CAP2: variants seen among roughly 807,000 people sequenced by gnomAD.
CAP2 encodes the protein adenylyl cyclase-associated protein 2.
CAP2 carries 24 observed loss-of-function variants against 57.7 expected under a neutral mutation model. The observed-to-expected ratio is 0.42, with a 90% confidence interval of 0.30 to 0.58. CAP2 has a LOEUF of 0.58. CAP2 is among the 20% of genes least tolerant of loss of function. CAP2 has a pLI of 0.22. For synonymous variants in CAP2, 194 were observed against 207.2 expected (o/e 0.94, Z 0.55); for missense variants, 501 against 590.3 (o/e 0.85, Z 1.57).
intron 4 of CAP2, among the ~76,000 whole-genome samples, chr6:17,469,815 A>AC (rs1760971889): frequency 6.6e-6 from 1 of 152,192 alleles, no homozygotes; most frequent in Non-Finnish European, 1.5e-5. Context: ...GAGTGAATGC[A>AC]CATGCCCAGC....
chr6:17,527,738 G>A (rs1762543902), intron 7 of CAP2, among the ~76,000 whole-genome samples: 1 of 152,018 alleles, frequency 6.6e-6, no homozygotes, highest in Admixed American at 6.6e-5. Flanking sequence ...TGGGATTACA[G>A]GTTGTGCCAC....
chr6:17,509,163 A>T (rs1385215278), intron 6 of CAP2, among the ~76,000 whole-genome samples: 1 of 152,198 alleles, frequency 6.6e-6, no homozygotes, highest in African/African-American at 2.4e-5. Flanking sequence ...AAAATTGCAT[A>T]AAATACATAA....
chr6:17,535,231 A>G (rs559649830), intron 7 of CAP2, among the ~76,000 whole-genome samples: 1 of 151,532 alleles, frequency 6.6e-6, no homozygotes, highest in South Asian at 2.1e-4. Context: ...TGCGCTACAT[A>G]TGAGTCAAGG....
At chr6:17,490,649 G>A (rs541351157) in intron 4 of CAP2, among the ~76,000 whole-genome samples, 10 of 152,134 alleles carry the variant, frequency 6.6e-5, no homozygotes, top group Admixed American at 3.3e-4. Flanking sequence ...ATGAGTTTTC[G>A]GTTGTAGTCC....
In CAP2 at chr6:17,539,366, C is replaced by A; in HGVS notation, c.734C>A (p.Pro245Gln). The change falls in exon 8 of 13, where the codon CCA (proline) becomes CAA (glutamine). Residue 245 changes from proline to glutamine, a missense_variant. Coordinates refer to ENST00000229922, the MANE Select transcript of CAP2 (RefSeq NM_006366.3). ...PPPLPPPGPP[P>Q]LFENEGKKEE... ...CCTCTGCCTCCTCCAGGGCCACCTC[C>A]ACTTTTCGAGAATGAAGGCAAAAAA... 1 of 1,614,218 alleles carries A rather than the reference C, an allele frequency of 6.2e-7. No individual in the cohort carries two copies.
chr6:17,532,703 A>G (rs113524605), intron 7 of CAP2, among the ~76,000 whole-genome samples: 34,600 of 147,386 alleles, frequency 0.23, 4,968 homozygotes, highest in African/African-American at 0.4. Flanking sequence ...AGCTGAGATC[A>G]CGCCACTGCA....
At chr6:17,434,594 G>A (rs909762082) in intron 3 of CAP2, among the ~76,000 whole-genome samples, 1 of 152,176 alleles carries the variant, frequency 6.6e-6, no homozygotes, top group African/African-American at 2.4e-5. Context: ...AGCACCACGT[G>A]TACTTTGTGT....
At chr6:17,395,449 G>A (rs541940734) in intron 1 of CAP2, among the ~76,000 whole-genome samples, 1 of 152,272 alleles carries the variant, frequency 6.6e-6, no homozygotes, top group South Asian at 2.1e-4. Context: ...TTCTTAGCTT[G>A]AGGGAGGAGC....
chr6:17,544,137 A>G (rs1249585951), intron 11 of CAP2, among the ~76,000 whole-genome samples: 7 of 148,168 alleles, frequency 4.7e-5, no homozygotes, highest in South Asian at 2.1e-4. Context: ...AAAAAAAAAA[A>G]GAAAAGAAAA....
chr6:17,505,266 A>G (rs747972755), intron 4 of CAP2, among the ~76,000 whole-genome samples: 8 of 152,216 alleles, frequency 5.3e-5, no homozygotes, highest in African/African-American at 1.7e-4. Flanking sequence ...TACATTCAAC[A>G]TTCTTTTCAG....
At chr6:17,509,813 C>T (rs1159025294) in intron 6 of CAP2, among the ~76,000 whole-genome samples, 1 of 151,968 alleles carries the variant, frequency 6.6e-6, no homozygotes, top group African/African-American at 2.4e-5. Flanking sequence ...GAGAACAACC[C>T]AAATGTTCAT....
intron 4 of CAP2, among the ~76,000 whole-genome samples, chr6:17,489,828 C>T (rs376523140): frequency 3.8e-4 from 58 of 152,080 alleles, no homozygotes; most frequent in African/African-American, 9.9e-4. Context: ...AGTTTGTAAT[C>T]TAGTAGGTCC....
chr6:17,555,499 G>A (rs1225023056), intron 12 of CAP2, among the ~76,000 whole-genome samples: 2 of 151,446 alleles, frequency 1.3e-5, no homozygotes, highest in Admixed American at 6.6e-5. Context: ...CAGCCAGAGA[G>A]AATCTGCATT....
At chr6:17,515,126 G>A (rs930953275) in intron 7 of CAP2, among the ~76,000 whole-genome samples, 6 of 152,020 alleles carry the variant, frequency 3.9e-5, no homozygotes, top group Non-Finnish European at 5.9e-5. Flanking sequence ...GAATCCGGGA[G>A]GCGGAGATTG....
At chr6:17,461,976 G>C (rs61217903) in intron 3 of CAP2, among the ~76,000 whole-genome samples, 12,566 of 77,888 alleles carry the variant, frequency 0.16, 2,116 homozygotes, top group African/African-American at 0.41. Context: ...CTGGGCAACA[G>C]GGCGAGACTC....
intron 1 of CAP2, among the ~76,000 whole-genome samples, chr6:17,396,319 A>T (rs1289321052): frequency 2.0e-5 from 3 of 152,194 alleles, no homozygotes; most frequent in Non-Finnish European, 4.4e-5. Flanking sequence ...AGAAATTAAA[A>T]CATATGCTCA....
At chr6:17,438,441 T>TTTTTTTTTTTG in intron 3 of CAP2, among the ~76,000 whole-genome samples, 2 of 125,012 alleles carry the variant, frequency 1.6e-5, no homozygotes, top group Admixed American at 7.5e-5. Flanking sequence ...GTGTTTTTTT[T>TTTTTTTTTTTG]TTTTTTTTTT....
chr6:17,531,432 G>C, intron 7 of CAP2: 1 of 1,580,484 alleles, frequency 6.3e-7, no homozygotes, highest in Admixed American at 1.7e-5. Context: ...CTCGCCATTT[G>C]AATTTCAGTT....
rs557261126 is a variant in CAP2 at position 17,486,302 on chromosome 6, C to G, written c.301-20867C>G. On this transcript the variant is annotated intron_variant, in intron 4 of 12. Coordinates refer to ENST00000229922, the MANE Select transcript of CAP2 (RefSeq NM_006366.3). The stretch of plus-strand genomic sequence containing the variant: ...CAAGCAAATTTTCTCAAGGGAAAAA[C>G]CTAGATAAATAATTGACAGTGGGTC... 2.6e-5 allele frequency among the ~76,000 whole-genome samples: 4 copies of G among 152,274 alleles called. No homozygotes were observed. The East Asian group carries it at 7.7e-4, about 29-fold the overall frequency.
Sources: gnomAD v4.1 joint callset for allele counts (sites outside exome capture counted in the v4.1 genomes callset) on GRCh38, gnomAD v4.1.1 for gene constraint, MANE v1.5 for transcripts, NCBI Gene and HGNC (gene_info 2026-07-23, HGNC 2026-07-21) for gene names.